Variants in TES observed in about 807,000 individuals in gnomAD.
The protein encoded by TES is testin LIM domain protein.
Under a neutral mutation model 48.2 loss-of-function variants are expected in TES, and 41 were observed. The ratio of observed to expected loss-of-function variants is 0.85; its 90% CI spans 0.66 to 1.10. The LOEUF is 1.10. Ranked by LOEUF, TES falls within the 50% of genes least tolerant of loss-of-function variation. The pLI, the probability that TES is intolerant of heterozygous loss-of-function variation, is 0.00. For synonymous variants in TES, 162 were observed against 174.9 expected (o/e 0.93, Z 0.58); for missense variants, 463 against 515.1 (o/e 0.90, Z 0.98).
At chr7:116,211,014 AG>A in intron 1 of TES, 1 of 303,296 alleles carries the variant, frequency 3.3e-6, no homozygotes, top group East Asian at 5.4e-5. Flanking sequence ...CAGTGGTTGT[AG>A]GTGTTGGAAA....
Position 116,252,495 on chromosome 7 carries a change from A to G in TES, c.1077+19A>G, listed in dbSNP as rs376410514. The stretch of plus-strand genomic sequence containing the variant: ...CGCTGTGGTGAGAAGTGTTCTAAGG[A>G]TATGGTTGCCTCAGCCTGCTTTAGG... On this transcript the variant is annotated intron_variant, in intron 6 of 6. Transcript: ENST00000358204. 2 of 1,614,046 alleles carry G rather than the reference A, an allele frequency of 1.2e-6. No homozygotes were observed. Among genetic ancestry groups the G allele is most frequent in the African/African-American group, 1.3e-5 (1 of 74,944 alleles).
intron 1 of TES, among the ~76,000 whole-genome samples, chr7:116,213,175 A>G (rs1369738024): frequency 6.6e-6 from 1 of 152,224 alleles, no homozygotes; most frequent in East Asian, 1.9e-4. Flanking sequence ...ACGTCCAAAG[A>G]AGGAAATATT....
chr7:116,242,535 C>G (rs200805606), intron 2 of TES, among the ~76,000 whole-genome samples: 1 of 53,966 alleles, frequency 1.9e-5, no homozygotes, highest in Middle Eastern at 0.011. Flanking sequence ...CTCTCTCTCT[C>G]TCTGTCTCTG....
At chr7:116,256,664 A>G (rs1800103593) in intron 6 of TES, among the ~76,000 whole-genome samples, 1 of 152,220 alleles carries the variant, frequency 6.6e-6, no homozygotes, top group Admixed American at 6.5e-5. Context: ...CACATACTGA[A>G]TGGTACAGGG....
At chr7:116,246,311 G>A (rs951893180) in intron 2 of TES, among the ~76,000 whole-genome samples, 1 of 152,184 alleles carries the variant, frequency 6.6e-6, no homozygotes, top group Non-Finnish European at 1.5e-5. Context: ...TTAGAACCAT[G>A]CCATTGCAAA....
At chr7:116,243,248 C>T (rs1799872777) in intron 2 of TES, among the ~76,000 whole-genome samples, 1 of 152,162 alleles carries the variant, frequency 6.6e-6, no homozygotes, top group African/African-American at 2.4e-5. Flanking sequence ...TTTATATAGA[C>T]TGAACAATGT....
At chr7:116,248,472 A>G (rs1167156193) in intron 2 of TES, among the ~76,000 whole-genome samples, 1 of 152,170 alleles carries the variant, frequency 6.6e-6, no homozygotes, top group Non-Finnish European at 1.5e-5. Context: ...CTTTTTAGTA[A>G]TAGCTATTCC....
chr7:116,227,087 ATTTTATTTATTT>A (rs1382922716), intron 1 of TES, among the ~76,000 whole-genome samples: 2 of 141,288 alleles, frequency 1.4e-5, no homozygotes, highest in African/African-American at 2.6e-5. Context: ...TACACTTTTT[ATTTTATTTATTT>A]ATTTATTTAT....
In TES at chr7:116,250,471, C is replaced by T. The variant is rs776316231; in HGVS notation, c.677C>T (p.Ser226Phe). 2 of 1,563,386 alleles carry T rather than the reference C, an allele frequency of 1.3e-6. No individual in the cohort carries two copies. The highest frequency in any genetic ancestry group is 1.7e-6 in the Non-Finnish European group (2 of 1,157,358). ...PAAVGAMEDKSAEHKRTQYSC... is the reference protein window; with the variant it reads ...PAAVGAMEDKFAEHKRTQYSC... ...GCAGTGGGGGCCATGGAGGACAAAT[C>T]TGCTGAGCACAAAAGAACTCAATAT... The change falls in exon 4 of 7, where the codon TCT (serine) becomes TTT (phenylalanine). Residue 226 changes from serine (S) to phenylalanine (F), a missense_variant. Ser to Phe is a radical substitution (Grantham distance 155). Transcript: ENST00000358204.
At chr7:116,238,449 GTTA>G (rs1799801109) in intron 2 of TES, 1 of 151,868 alleles carries the variant, frequency 6.6e-6, no homozygotes. Flanking sequence ...GAGCCCATGA[GTTA>G]TTAATAATAT....
chr7:116,249,562 C>T (rs1799974414), intron 3 of TES: 2 of 313,612 alleles, frequency 6.4e-6, no homozygotes, highest in Admixed American at 9.0e-5. Flanking sequence ...ACTCTTCTAG[C>T]TTAGTCTTGA....
At chr7:116,232,783 T>G (rs1050331678) in intron 1 of TES, among the ~76,000 whole-genome samples, 3 of 152,230 alleles carry the variant, frequency 2.0e-5, no homozygotes, top group Non-Finnish European at 4.4e-5. Context: ...TTTCATTTCT[T>G]TTGAAAATTG....
intron 4 of TES, among the ~76,000 whole-genome samples, chr7:116,251,075 G>A (rs1799999911): frequency 6.6e-6 from 1 of 152,080 alleles, no homozygotes; most frequent in Non-Finnish European, 1.5e-5. Flanking sequence ...GCTCCAGTTA[G>A]CACACCAACC....
At chr7:116,215,843 G>C (rs1041876145) in intron 1 of TES, among the ~76,000 whole-genome samples, 2 of 152,090 alleles carry the variant, frequency 1.3e-5, no homozygotes, top group Non-Finnish European at 2.9e-5. Context: ...GAGTGCCTCT[G>C]GAGTGGCAGA....
At chr7:116,256,644 A>G (rs1475806292) in intron 6 of TES, among the ~76,000 whole-genome samples, 1 of 152,106 alleles carries the variant, frequency 6.6e-6, no homozygotes, top group Non-Finnish European at 1.5e-5. Context: ...TGTCATGTAT[A>G]TATACATAAC....
chr7:116,249,299 T>TGGA (rs1799970755), intron 3 of TES, 27 bp downstream of exon 3: 1 of 1,613,112 alleles, frequency 6.2e-7, no homozygotes, highest in East Asian at 2.2e-5. Context: ...AGAGAGTTTC[T>TGGA]TTATTGAAGT....
chr7:116,248,926 A>G, intron 2 of TES, 94 bp from the exon 3 acceptor site: 3 of 1,296,692 alleles, frequency 2.3e-6, no homozygotes, highest in Admixed American at 2.8e-5. Context: ...ATGATATAGA[A>G]TAGGCCTAAA....
chr7:116,247,212 G>GA (rs1158841638), intron 2 of TES, among the ~76,000 whole-genome samples: 2 of 151,708 alleles, frequency 1.3e-5, no homozygotes, highest in Non-Finnish European at 2.9e-5. Context: ...AAGAAATTGA[G>GA]AAAAAAATGA....
At chr7:116,232,378 C>G (rs1417517647) in intron 1 of TES, among the ~76,000 whole-genome samples, 2 of 152,068 alleles carry the variant, frequency 1.3e-5, no homozygotes, top group Non-Finnish European at 1.5e-5. Flanking sequence ...AGTTTAAAAG[C>G]CTCTGATTTA....
Sources: gnomAD v4.1 joint callset for allele counts (sites outside exome capture counted in the v4.1 genomes callset) on GRCh38, gnomAD v4.1.1 for gene constraint, MANE v1.5 for transcripts, NCBI Gene and HGNC (gene_info 2026-07-23, HGNC 2026-07-21) for gene names.